Variants in KIFAP3 observed in about 807,000 individuals in gnomAD.
The protein encoded by KIFAP3 is kinesin-associated protein 3.
Under a neutral mutation model 106.5 loss-of-function variants are expected in KIFAP3, and 68 were observed. The observed-to-expected ratio is 0.64, with a 90% confidence interval of 0.53 to 0.78. The LOEUF (loss-of-function observed/expected upper bound fraction) is 0.78, where lower values mean the gene tolerates loss of function less well. KIFAP3 is among the 30% of genes least tolerant of loss of function. KIFAP3 has a pLI of 0.00. For missense variants in KIFAP3, 780 were observed against 941.8 expected, an observed-to-expected ratio of 0.83 and a Z score of 2.25; for synonymous variants, 320 against 311.5, an observed-to-expected ratio of 1.03 and a Z score of -0.29.
intron 19 of KIFAP3, among the ~76,000 whole-genome samples, chr1:169,942,917 C>CCCG (rs1558182550): frequency 1.9e-5 from 2 of 106,300 alleles, no homozygotes; most frequent in African/African-American, 7.0e-5. Context: ...GACGCCCCCC[C>CCCG]CCACCCCTTT....
chr1:170,035,991 A>G (rs1286138994), intron 5 of KIFAP3, among the ~76,000 whole-genome samples: 1 of 152,048 alleles, frequency 6.6e-6, no homozygotes, highest in African/African-American at 2.4e-5. Context: ...TTAGTAGACT[A>G]ACACTCGTTC....
intron 2 of KIFAP3, among the ~76,000 whole-genome samples, chr1:170,048,426 T>C (rs943587041): frequency 6.6e-6 from 1 of 151,990 alleles, no homozygotes; most frequent in Non-Finnish European, 1.5e-5. Context: ...AAAAGACCTC[T>C]AGTTTGCTTC....
At chr1:170,027,550 T>C (rs1053884730) in intron 8 of KIFAP3, among the ~76,000 whole-genome samples, 1 of 152,076 alleles carries the variant, frequency 6.6e-6, no homozygotes, top group Admixed American at 6.6e-5. Flanking sequence ...ACTACAATGC[T>C]TGAGACTATA....
chr1:169,930,439 C>G lies in KIFAP3; in HGVS notation c.2274-8658G>C, dbSNP rs532606319. Among the ~76,000 whole-genome samples, 3 of 152,260 alleles carry G rather than the reference C, an allele frequency of 2.0e-5. No individual in the cohort carries two copies. In the East Asian group the frequency reaches 5.8e-4, roughly 29 times the overall value. On this transcript the variant is annotated intron_variant, in intron 19 of 19. Transcript: ENST00000361580. ...TTTATGTTTTCATTGAGATGGCTGT[C>G]CTAAAACAATCTAAATGGCAATTTC... is the stretch of plus-strand genomic sequence containing the variant.
rs1666733000 is a variant in KIFAP3, at chr1:169,984,822, A to G, written c.1285-132T>C. On this transcript the variant is annotated intron_variant, in intron 11 of 19. Transcript: ENST00000361580. ...ATAATATAATTATTTACATTTCAAC[A>G]CATAAAACTGGCAGGCGTTCACTGT... The G allele has an allele frequency of 5.5e-6, 3 of 541,640 alleles. No individual in the cohort carries two copies. The Admixed American group carries it at 1.0e-4, about 18-fold the overall frequency. The allele number at this position is 541,640 out of a possible 1,614,324, so 33.6% of individuals were successfully genotyped here.
At chr1:169,961,262 A>G (rs1470632857) in intron 17 of KIFAP3, 27 bp from the exon 18 acceptor site, 1 of 1,573,258 alleles carries the variant, frequency 6.4e-7, no homozygotes, top group South Asian at 1.1e-5. Flanking sequence ...GTCAACTGTT[A>G]TTATATAAGC....
chr1:169,992,348 A>C lies in KIFAP3; in HGVS notation c.1184-93T>G, dbSNP rs577357249. ...TGTACTACAACTTAAACTACTGAAT[A>C]AAATCTTTATATAAACTTAATCTGA... is the stretch of plus-strand genomic sequence containing the variant. On this transcript the variant is annotated intron_variant, in intron 10 of 19. Coordinates refer to ENST00000361580, the MANE Select transcript of KIFAP3 (RefSeq NM_014970.4). The C allele has an allele frequency of 7.7e-6, 4 of 516,212 alleles. No homozygotes were observed. The Admixed American group carries it at 1.7e-4, about 22-fold the overall frequency. The allele number at this position is 516,212 out of a possible 1,614,324, so 32.0% of individuals were successfully genotyped here. A position where few individuals can be genotyped will look rare whatever the true frequency, so the allele number is the denominator to read the frequency against.
At chr1:170,020,587 A>C (rs905508747) in intron 9 of KIFAP3, among the ~76,000 whole-genome samples, 1 of 152,258 alleles carries the variant, frequency 6.6e-6, no homozygotes, top group South Asian at 2.1e-4. Flanking sequence ...AGCTGGGACT[A>C]CAGGTGCCCA....
chr1:169,998,069 T>A (rs1667459131), intron 10 of KIFAP3, among the ~76,000 whole-genome samples: 1 of 150,960 alleles, frequency 6.6e-6, no homozygotes, highest in African/African-American at 2.4e-5. Context: ...AAGAAAATGA[T>A]CCCCTCTCAA....
intron 10 of KIFAP3, among the ~76,000 whole-genome samples, chr1:170,014,076 A>C (rs1165379274): frequency 6.6e-6 from 1 of 152,070 alleles, no homozygotes; most frequent in African/African-American, 2.4e-5. Context: ...GACATACTAC[A>C]TCTTCTCTAA....
chr1:170,071,154 G>A (rs765870115), intron 1 of KIFAP3, among the ~76,000 whole-genome samples: 3 of 152,210 alleles, frequency 2.0e-5, no homozygotes, highest in Non-Finnish European at 4.4e-5. Context: ...AAATGGTGCA[G>A]TCACTAGGGA....
chr1:169,936,195 T>C (rs1663788080), intron 19 of KIFAP3, among the ~76,000 whole-genome samples: 1 of 53,788 alleles, frequency 1.9e-5, no homozygotes, highest in South Asian at 9.3e-4. Context: ...TAAAATGTTT[T>C]GTCTCTTGTT....
Position 169,982,710 on chromosome 1 carries a change from A to C in KIFAP3, c.1664T>G (p.Leu555Arg). The C allele has an allele frequency of 6.4e-7, 1 of 1,574,682 alleles. No homozygotes were observed. Among genetic ancestry groups the C allele is most frequent in the Non-Finnish European group, 8.6e-7 (1 of 1,158,894 alleles). Residue 555 changes from leucine to arginine, a missense_variant, in exon 14 of 20, where the codon CTA becomes CGA. By Grantham distance (102) the Leu-to-Arg change is moderately radical. Transcript: ENST00000361580. ...YKLVPYLKDKLKPGAAEDDLV... is the reference protein window; with the variant it reads ...YKLVPYLKDKRKPGAAEDDLV... ...AAATACTTAGCACAAACCTGGTTTT[A>C]GTTTATCCTTGAGGTATGGAACCAA...
rs75231152 is a variant in KIFAP3 at position 169,949,769 on chromosome 1, T to C, written c.2273+4242A>G. Among the ~76,000 whole-genome samples the C allele has an allele frequency of 1.7e-3, 256 of 152,220 alleles. 1 individual carries two copies. Among genetic ancestry groups the C allele is most frequent in the African/African-American group, 5.8e-3 (241 of 41,566 alleles). ...TGACGCTCTGGGATTGGCAACTCCA[T>C]AGCTATTGCCTTAGAGCCCTAATGC... On this transcript the variant is annotated intron_variant, in intron 19 of 19. Transcript: ENST00000361580.
At chr1:170,042,028 C>G in intron 3 of KIFAP3, 1 of 188,714 alleles carries the variant, frequency 5.3e-6, no homozygotes, top group Non-Finnish European at 9.9e-6. Context: ...CAGAAGGAAA[C>G]ATTAGCAGAA....
chr1:169,984,945 TA>T (rs1571607759), intron 11 of KIFAP3, among the ~76,000 whole-genome samples: 2 of 151,836 alleles, frequency 1.3e-5, no homozygotes, highest in African/African-American at 4.8e-5. Context: ...AAATATTAGA[TA>T]AAACATCTGT....
At chr1:169,975,019 C>G (rs1017807101) in intron 16 of KIFAP3, among the ~76,000 whole-genome samples, 3 of 152,136 alleles carry the variant, frequency 2.0e-5, no homozygotes, top group Non-Finnish European at 4.4e-5. Context: ...TCCTAGATTA[C>G]TTACAATACT....
intron 19 of KIFAP3, among the ~76,000 whole-genome samples, chr1:169,937,035 T>A (rs963762033): frequency 1.3e-4 from 20 of 150,554 alleles, no homozygotes; most frequent in Non-Finnish European, 1.0e-4. Flanking sequence ...ACCATTGATG[T>A]CCAGATACTG....
At chr1:169,968,917 A>T (rs749184702) in intron 17 of KIFAP3, among the ~76,000 whole-genome samples, 1 of 151,966 alleles carries the variant, frequency 6.6e-6, no homozygotes, top group Admixed American at 6.6e-5. Flanking sequence ...AATTCTAACA[A>T]GTTGGAAAAA....
Sources: gnomAD v4.1 joint callset for allele counts (sites outside exome capture counted in the v4.1 genomes callset) on GRCh38, gnomAD v4.1.1 for gene constraint, MANE v1.5 for transcripts, NCBI Gene and HGNC (gene_info 2026-07-23, HGNC 2026-07-21) for gene names.